The following IDE variants were observed in gnomAD, a reference collection of about 807,000 sequenced individuals.
IDE encodes the protein insulin degrading enzyme.
IDE carries 58 observed loss-of-function variants against 133.2 expected under a neutral mutation model. The observed-to-expected ratio is 0.44, with a 90% CI of 0.35 to 0.54. The LOEUF (loss-of-function observed/expected upper bound fraction) is 0.54. Ranked by LOEUF, IDE falls within the 20% of genes least tolerant of loss-of-function variation. IDE has a pLI of 0.00. For missense variants in IDE, 981 were observed against 1,234.0 expected (o/e 0.79, Z 3.07); for synonymous variants, 396 against 421.3 (o/e 0.94, Z 0.73).
intron 10 of IDE, among the ~76,000 whole-genome samples, chr10:92,505,257 T>A (rs946845994): frequency 6.6e-6 from 1 of 152,232 alleles, no homozygotes; most frequent in Non-Finnish European, 1.5e-5. Context: ...ACAGGATTTT[T>A]AAAATATAAA....
chr10:92,497,694 C>A, intron 11 of IDE: 2 of 982,696 alleles, frequency 2.0e-6, no homozygotes, highest in Non-Finnish European at 2.4e-6. Context: ...CTAGTCTGGT[C>A]TGGCAGCTGG....
At chr10:92,484,309 A>G (rs1436764297) in intron 13 of IDE, among the ~76,000 whole-genome samples, 2 of 152,038 alleles carry the variant, frequency 1.3e-5, no homozygotes, top group Admixed American at 1.3e-4. Context: ...TACTCAGGAG[A>G]CTGAGGCAGG....
In IDE at chr10:92,504,795, G is replaced by A. The variant is rs759169186; in HGVS notation, c.1429C>T (p.Arg477Trp). 60 of 1,519,316 alleles carry A rather than the reference G, an allele frequency of 3.9e-5. No homozygotes were observed. Among genetic ancestry groups the A allele is most frequent in the Non-Finnish European group, 5.0e-5 (55 of 1,098,320 alleles). 94.1% of individuals were successfully genotyped at this position (1,519,316 alleles called of 1,614,324 possible). Residue 477 changes from arginine to tryptophan, a missense_variant and splice_region_variant, in exon 11 of 25, where the codon CGG becomes TGG. By Grantham distance (101) the Arg-to-Trp change is moderately radical (BLOSUM62 -3). This residue lies in a region of IDE where 660 missense variants were observed against 894.7 expected (regional missense o/e 0.74). Transcript: ENST00000265986. ...AGTAAAATCTGTATGGTGACTCACCGGACATTTTCTGGTCTGAGTTTATCG... is the reference window on the plus strand; with the variant it reads ...AGTAAAATCTGTATGGTGACTCACCAGACATTTTCTGGTCTGAGTTTATCG... ...VLDKLRPENV[R>W]VAIVSKSFEG...
chr10:92,557,333 G>A lies in IDE; in HGVS notation c.98+16589C>T, dbSNP rs563595814. On this transcript the variant is annotated intron_variant, in intron 1 of 24. Transcript: ENST00000265986. ...GGGTGGATCACGAGGTCAGGAGATC[G>A]AGAACAACCTGGATAACATGGTGCA... Among the ~76,000 whole-genome samples, 8 of 151,196 alleles carry A rather than the reference G, an allele frequency of 5.3e-5. No homozygotes were observed. In the East Asian group the frequency reaches 1.2e-3, roughly 22 times the overall value.
rs1206999484 is a variant in IDE at position 92,536,635 on chromosome 10, T to C, written c.283+731A>G. 2.8e-5 allele frequency among the ~76,000 whole-genome samples: 4 copies of C among 140,428 alleles called. No homozygotes were observed. In the East Asian group the frequency reaches 6.3e-4, roughly 22 times the overall value. The allele number at this position is 140,428 out of a possible 152,430, so 92.1% of individuals were successfully genotyped here. A position where few individuals can be genotyped will look rare whatever the true frequency, so the allele number is the denominator to read the frequency against. ...ATTGCTTGAACCCGGGAGGTGGAGG[T>C]TGCAGTGAGCCGAGATCACACCATT... On this transcript the variant is annotated intron_variant, in intron 2 of 24. Transcript: ENST00000265986.
chr10:92,542,789 T>C (rs1424037443), intron 1 of IDE, among the ~76,000 whole-genome samples: 1 of 152,186 alleles, frequency 6.6e-6, no homozygotes, highest in Non-Finnish European at 1.5e-5. Context: ...AGCGTGGTGC[T>C]AATGAACTAC....
chr10:92,512,894 A>T (rs1377042198), intron 5 of IDE, among the ~76,000 whole-genome samples: 1 of 152,212 alleles, frequency 6.6e-6, no homozygotes, highest in East Asian at 1.9e-4. Context: ...AGCATTTGCT[A>T]TGTGCCATGC....
At position 92,461,205 on chromosome 10, in the gene IDE, T is replaced by C. The variant is rs748718341; in HGVS notation, c.2809A>G (p.Ile937Val). Reference sequence around the variant, plus strand: ...ATTTGACTTACCTTGTAGAATTTGATGATATCTTCCTTGGTAAGTGTCTTT... The same window carrying C: ...ATTTGACTTACCTTGTAGAATTTGACGATATCTTCCTTGGTAAGTGTCTTT... ...YLKTLTKEDIIKFYKEMLAVD... is the reference protein window; with the variant it reads ...YLKTLTKEDIVKFYKEMLAVD... Residue 937 changes from isoleucine (I) to valine (V), a missense_variant, in exon 22 of 25, where the codon ATC becomes GTC. Ile to Val is a conservative substitution (Grantham distance 29). Transcript: ENST00000265986. The C allele has an allele frequency of 4.9e-6, 7 of 1,431,648 alleles. No homozygotes were observed. Among genetic ancestry groups the C allele is most frequent in the Non-Finnish European group, 5.9e-6 (6 of 1,015,282 alleles). 88.7% of individuals were successfully genotyped at this position (1,431,648 alleles called of 1,614,324 possible).
intron 22 of IDE, among the ~76,000 whole-genome samples, chr10:92,458,490 GTTTTTTTTTTTTT>G (rs71028821): frequency 0.29 from 24,557 of 84,092 alleles, 3,256 homozygotes; most frequent in East Asian, 0.65. Flanking sequence ...TACTCTCTCT[GTTTTTTTTTTTTT>G]TTTTTTTTTT....
chr10:92,536,804 C>A (rs562904186), intron 2 of IDE, among the ~76,000 whole-genome samples: 24 of 152,050 alleles, frequency 1.6e-4, no homozygotes, highest in African/African-American at 5.8e-4. Context: ...CTTTGGGAGG[C>A]CAAGGCAGGC....
intron 1 of IDE, among the ~76,000 whole-genome samples, chr10:92,540,061 G>A (rs1469511175): frequency 6.6e-6 from 1 of 152,002 alleles, no homozygotes; most frequent in Non-Finnish European, 1.5e-5. Context: ...GGTCAATATG[G>A]TGAAACCCCA....
intron 2 of IDE, among the ~76,000 whole-genome samples, chr10:92,536,057 C>A (rs1002114874): frequency 6.7e-6 from 1 of 150,366 alleles, no homozygotes; most frequent in Admixed American, 6.6e-5. Context: ...AAAAAAGAAG[C>A]AACCTGATTA....
At chr10:92,525,210 ACCATTGCCCTCCAGCCTGGG>A (rs1849560584) in intron 4 of IDE, among the ~76,000 whole-genome samples, 1 of 152,242 alleles carries the variant, frequency 6.6e-6, no homozygotes, top group Non-Finnish European at 1.5e-5. Flanking sequence ...CCGAGATTGC[ACCATTGCCCTCCAGCCTGGG>A]CAACAGAGTG....
intron 11 of IDE, among the ~76,000 whole-genome samples, chr10:92,499,192 T>A (rs1847878834): frequency 6.7e-6 from 1 of 148,792 alleles, no homozygotes. Flanking sequence ...GTGGTTTTTC[T>A]TTTTTTTTTG....
intron 1 of IDE, among the ~76,000 whole-genome samples, chr10:92,557,357 C>T (rs1843061262): frequency 6.6e-6 from 1 of 151,432 alleles, no homozygotes; most frequent in African/African-American, 2.4e-5. Flanking sequence ...TAACATGGTG[C>T]AACCCCATCT....
At chr10:92,564,710 A>AAC (rs1843444044) in intron 1 of IDE, among the ~76,000 whole-genome samples, 1 of 121,968 alleles carries the variant, frequency 8.2e-6, no homozygotes, top group Non-Finnish European at 1.7e-5. Context: ...AAAAAAAAAA[A>AAC]CTGAAACTGT....
chr10:92,518,852 C>T (rs563520417), intron 4 of IDE, among the ~76,000 whole-genome samples: 7 of 152,066 alleles, frequency 4.6e-5, no homozygotes, highest in South Asian at 4.1e-4. Flanking sequence ...ACTATAAACA[C>T]GGAAATGATA....
At chr10:92,469,397 G>C (rs981058656) in intron 18 of IDE, among the ~76,000 whole-genome samples, 1 of 152,032 alleles carries the variant, frequency 6.6e-6, no homozygotes, top group Non-Finnish European at 1.5e-5. Context: ...TGTTCTGGAG[G>C]GGGTATAGCA....
chr10:92,483,341 T>C lies in IDE; in HGVS notation c.1657-4A>G. On this transcript the variant is annotated splice_region_variant and splice_polypyrimidine_tract_variant and intron_variant, in intron 13 of 24. Transcript: ENST00000265986. Reference sequence around the variant, plus strand: ...AAAGTTTGCTCATAGCTGTATCCTGTGATGGAGAAACAATTTGGTTAGGGA... The same window carrying C: ...AAAGTTTGCTCATAGCTGTATCCTGCGATGGAGAAACAATTTGGTTAGGGA... The C allele has an allele frequency of 6.4e-6, 10 of 1,573,860 alleles. No individual in the cohort carries two copies. Among genetic ancestry groups the C allele is most frequent in the Non-Finnish European group, 8.7e-6 (10 of 1,144,852 alleles).
Sources: gnomAD v4.1 joint callset for allele counts (sites outside exome capture counted in the v4.1 genomes callset) on GRCh38, gnomAD v4.1.1 for gene constraint, gnomAD v4.1.1 regional missense constraint, MANE v1.5 for transcripts, NCBI Gene and HGNC (gene_info 2026-07-23, HGNC 2026-07-21) for gene names.